REV3L: variants seen among roughly 807,000 people sequenced by gnomAD.
REV3L encodes REV3 like, DNA directed polymerase zeta catalytic subunit.
Under a neutral mutation model 299.4 loss-of-function variants are expected in REV3L, and 69 were observed. The ratio of observed to expected loss-of-function variants is 0.23; its 90% CI spans 0.19 to 0.28. The LOEUF is 0.28. REV3L is among the 10% of genes least tolerant of loss of function. REV3L has a pLI of 1.00. For synonymous variants in REV3L, 1,238 were observed against 1,271.4 expected (o/e 0.97, Z 0.56); for missense variants, 3,128 against 3,693.8 (o/e 0.85, Z 3.97).
chr6:111,415,622 C>T (rs1582902428), intron 2 of REV3L, among the ~76,000 whole-genome samples: 1 of 152,078 alleles, frequency 6.6e-6, no homozygotes. Flanking sequence ...ACCCTCTCAT[C>T]TCTCTCTTAT....
intron 30 of REV3L, 68 bp from the exon 31 acceptor site, chr6:111,307,638 A>G: frequency 2.8e-6 from 4 of 1,445,344 alleles, no homozygotes; most frequent in Non-Finnish European, 3.9e-6. Flanking sequence ...TTTCATGCTA[A>G]TTACAGGTTT....
At chr6:111,402,451 T>G (rs560966249) in intron 4 of REV3L, among the ~76,000 whole-genome samples, 1 of 152,216 alleles carries the variant, frequency 6.6e-6, no homozygotes, top group Non-Finnish European at 1.5e-5. Flanking sequence ...TTTCCAAGAT[T>G]AGTAAATGCC....
chr6:111,365,477 A>T (rs971051768), intron 14 of REV3L, 133 bp from the exon 15 acceptor site: 2 of 432,788 alleles, frequency 4.6e-6, no homozygotes, highest in Admixed American at 4.5e-5. Flanking sequence ...CCAGAATTTC[A>T]TAATTTAAAA....
At chr6:111,409,814 G>A (rs1784058849) in intron 3 of REV3L, among the ~76,000 whole-genome samples, 1 of 152,078 alleles carries the variant, frequency 6.6e-6, no homozygotes. Context: ...AGAAACTGAG[G>A]CTTAGTGGAG....
chr6:111,385,531 G>A (rs1209623556), intron 9 of REV3L, among the ~76,000 whole-genome samples: 1 of 151,922 alleles, frequency 6.6e-6, no homozygotes, highest in Admixed American at 6.6e-5. Flanking sequence ...GGGTAGGGAA[G>A]GTCTCATAAA....
chr6:111,329,775 A>C, intron 24 of REV3L, 37 bp from the exon 25 acceptor site: 2 of 1,444,822 alleles, frequency 1.4e-6, no homozygotes, highest in Non-Finnish European at 1.9e-6. Context: ...AACCCCTCAA[A>C]CATTATAGAT....
Position 111,367,275 on chromosome 6 carries a change from G to A in REV3L, c.6513C>T (p.Ser2171=), listed in dbSNP as rs1779324328. The A allele has an allele frequency of 6.2e-7, 1 of 1,612,760 alleles. No individual in the cohort carries two copies. The highest frequency in any genetic ancestry group is 1.3e-5 in the African/African-American group (1 of 74,752). ...GAGGCTCTTGAGGCTCACTGCAGGG[G>A]CTTTTTTGTATACCATCTTTTATTG... is the stretch of plus-strand genomic sequence containing the variant. ...LKPIKDGIQK[S]PCSEPQEPLV... Residue 2171 remains serine, a synonymous_variant, in exon 14 of 32, where the codon AGC becomes AGT. Transcript: ENST00000368802.
chr6:111,299,830 G>T lies in REV3L; in HGVS notation c.*186C>A, dbSNP rs1307592466. 1 of 469,274 alleles carries T rather than the reference G, an allele frequency of 2.1e-6. No individual in the cohort carries two copies. Among genetic ancestry groups the T allele is most frequent in the Admixed American group, 4.2e-5 (1 of 23,862 alleles). The allele number at this position is 469,274 out of a possible 1,614,324, so 29.1% of individuals were successfully genotyped here. A position where few individuals can be genotyped will look rare whatever the true frequency, so the allele number is the denominator to read the frequency against. On this transcript the variant is annotated 3_prime_UTR_variant, in exon 32 of 32. Coordinates refer to ENST00000368802, the MANE Select transcript of REV3L (RefSeq NM_001372078.1). ...TGACAGAATGAGGAATTTGTACATTGTAAGAAGTGAGCTATTCAGAGATCA... is the reference window on the plus strand; with the variant it reads ...TGACAGAATGAGGAATTTGTACATTTTAAGAAGTGAGCTATTCAGAGATCA...
intron 25 of REV3L, 70 bp from the exon 26 acceptor site, chr6:111,322,748 T>TAATA (rs1187104275): frequency 4.1e-6 from 4 of 985,680 alleles, no homozygotes; most frequent in Non-Finnish European, 6.2e-6. Flanking sequence ...CTTTAACATA[T>TAATA]AATACATTTA....
At position 111,392,976 on chromosome 6, in the gene REV3L, G is replaced by C; in HGVS notation, c.566-4C>G. The C allele has an allele frequency of 1.3e-6, 2 of 1,547,624 alleles. No individual in the cohort carries two copies. Among genetic ancestry groups the C allele is most frequent in the Non-Finnish European group, 1.8e-6 (2 of 1,121,038 alleles). On this transcript the variant is annotated splice_polypyrimidine_tract_variant and splice_region_variant and intron_variant, in intron 4 of 31. Coordinates refer to ENST00000368802, the MANE Select transcript of REV3L (RefSeq NM_001372078.1). ...CCAGTTGCATGCAATGTATTACCTA[G>C]GAATAGAAAGGTAAAAGGAATAAAT...
chr6:111,446,472 G>A (rs1788851492), intron 1 of REV3L, among the ~76,000 whole-genome samples: 1 of 152,140 alleles, frequency 6.6e-6, no homozygotes, highest in African/African-American at 2.4e-5. Context: ...GGGAGGCCGA[G>A]GCGGGTGGAT....
At chr6:111,412,998 C>A (rs1243823907) in intron 2 of REV3L, among the ~76,000 whole-genome samples, 1 of 152,142 alleles carries the variant, frequency 6.6e-6, no homozygotes, top group African/African-American at 2.4e-5. Context: ...AAAGTCTCAC[C>A]TGACCATCCC....
chr6:111,411,534 T>C lies in REV3L; in HGVS notation c.350A>G (p.Glu117Gly). 1 of 1,582,982 alleles carries C rather than the reference T, an allele frequency of 6.3e-7. No individual in the cohort carries two copies. Among genetic ancestry groups the C allele is most frequent in the South Asian group, 1.1e-5 (1 of 87,498 alleles). Residue 117 changes from glutamate (E) to glycine (G), a missense_variant, in exon 3 of 32, where the codon GAG becomes GGG. Coordinates refer to ENST00000368802, the MANE Select transcript of REV3L (RefSeq NM_001372078.1). ...VSGMPFYGYHEKERHFMKIYL... is the reference protein window; with the variant it reads ...VSGMPFYGYHGKERHFMKIYL... ...GATCTTCATAAAGTGTCTTTCCTTC[T>C]CATGATAACCATAAAAAGGCCTGAA...
At chr6:111,306,317 C>T (rs375893778) in intron 31 of REV3L, among the ~76,000 whole-genome samples, 2 of 151,990 alleles carry the variant, frequency 1.3e-5, no homozygotes, top group South Asian at 2.1e-4. Flanking sequence ...GAGGAGGCGG[C>T]GAGGGGCATT....
In REV3L at chr6:111,375,690, T is replaced by A; in HGVS notation, c.2665A>T (p.Thr889Ser). The A allele has an allele frequency of 6.2e-7, 1 of 1,614,054 alleles. No individual in the cohort carries two copies. Among genetic ancestry groups the A allele is most frequent in the South Asian group, 1.1e-5 (1 of 91,082 alleles). The change falls in exon 13 of 32, where the codon ACA becomes TCA. Residue 889 changes from threonine (T) to serine (S), a missense_variant. Thr to Ser is a moderately conservative substitution (Grantham distance 58). Coordinates refer to ENST00000368802, the MANE Select transcript of REV3L (RefSeq NM_001372078.1). ...KTTRGAFENKTPTDGFIDCHF... is the reference protein window; with the variant it reads ...KTTRGAFENKSPTDGFIDCHF... ...CAGTCTATAAAACCATCTGTGGGTG[T>A]TTTATTTTCAAAAGCTCCACGAGTG... is the stretch of plus-strand genomic sequence containing the variant.
chr6:111,320,062 C>T (rs2114771092), intron 26 of REV3L, among the ~76,000 whole-genome samples: 1 of 148,110 alleles, frequency 6.8e-6, no homozygotes, highest in East Asian at 2.0e-4. Context: ...AGGTGTGAGC[C>T]ACTGCACCTG....
intron 3 of REV3L, among the ~76,000 whole-genome samples, chr6:111,408,330 C>T (rs1259562608): frequency 2.0e-5 from 3 of 152,126 alleles, no homozygotes; most frequent in South Asian, 4.1e-4. Flanking sequence ...GGGCTGGGCA[C>T]GGTGGCTCAC....
intron 1 of REV3L, among the ~76,000 whole-genome samples, chr6:111,442,062 C>A (rs780046478): frequency 1.3e-5 from 2 of 152,192 alleles, no homozygotes; most frequent in Admixed American, 1.3e-4. Context: ...GAGTTGGTTA[C>A]GGCGCTGGTG....
chr6:111,445,843 CA>C (rs889218119), intron 1 of REV3L, among the ~76,000 whole-genome samples: 4 of 151,552 alleles, frequency 2.6e-5, no homozygotes, highest in South Asian at 4.2e-4. Flanking sequence ...GTAAAGCAGA[CA>C]AAAAAACAGA....
Sources: gnomAD v4.1 joint callset for allele counts (sites outside exome capture counted in the v4.1 genomes callset) on GRCh38, gnomAD v4.1.1 for gene constraint, MANE v1.5 for transcripts, NCBI Gene and HGNC (gene_info 2026-07-23, HGNC 2026-07-21) for gene names.